Variants in RBFOX1 observed in about 807,000 individuals in gnomAD.
RBFOX1 encodes RNA binding protein fox-1 homolog 1.
RBFOX1 carries 8 observed loss-of-function variants against 57.7 expected under a neutral mutation model. That is an observed-to-expected ratio of 0.14 (90% CI 0.08 to 0.25). The LOEUF (loss-of-function observed/expected upper bound fraction) is 0.25. Among genes scored for constraint, RBFOX1 ranks in the 10% least tolerant of loss-of-function variants. The probability of loss-of-function intolerance (pLI) is 1.00; values close to 1 mark genes in which losing one functional copy is unlikely to be tolerated. For missense variants in RBFOX1, 611 were observed against 548.5 expected, an observed-to-expected ratio of 1.11 and a Z score of -1.14; for synonymous variants, 326 against 222.4, an observed-to-expected ratio of 1.47 and a Z score of -4.15.
chr16:5,333,586 C>T (rs182986012), intron 1 of RBFOX1, among the ~76,000 whole-genome samples: 87 of 152,326 alleles, frequency 5.7e-4, no homozygotes, highest in Non-Finnish European at 1.0e-3. Flanking sequence ...GAGCTTCTCT[C>T]CTGGAGGCAA....
chr16:7,043,037 T>G (rs192315224), intron 3 of RBFOX1, among the ~76,000 whole-genome samples: 3,375 of 147,462 alleles, frequency 0.023, 117 homozygotes, highest in African/African-American at 0.081. Flanking sequence ...GCTTCCATCC[T>G]CCACCCCCCA....
chr16:6,386,168 C>A (rs1272107763), intron 2 of RBFOX1, among the ~76,000 whole-genome samples: 2 of 152,108 alleles, frequency 1.3e-5, no homozygotes, highest in Admixed American at 1.3e-4. Flanking sequence ...ATGTCCTGGC[C>A]TCGTGATCCG....
intron 1 of RBFOX1, among the ~76,000 whole-genome samples, chr16:5,409,026 C>G (rs1242292111): frequency 6.6e-6 from 1 of 152,174 alleles, no homozygotes; most frequent in African/African-American, 2.4e-5. Context: ...CGGGTGAAAC[C>G]TGTGGCTATC....
chr16:6,879,432 C>T (rs1035504470), intron 3 of RBFOX1, among the ~76,000 whole-genome samples: 6 of 152,134 alleles, frequency 3.9e-5, no homozygotes, highest in African/African-American at 1.4e-4. Flanking sequence ...TTTCCCTTTA[C>T]TTTAAAAACT....
At chr16:6,928,908 C>A (rs1318372505) in intron 3 of RBFOX1, among the ~76,000 whole-genome samples, 2 of 152,130 alleles carry the variant, frequency 1.3e-5, no homozygotes, top group African/African-American at 4.8e-5. Context: ...AGTAGAGCAT[C>A]AGTTGTCAGA....
intron 1 of RBFOX1, among the ~76,000 whole-genome samples, chr16:6,294,262 C>A (rs770156503): frequency 1.3e-5 from 2 of 152,076 alleles, no homozygotes; most frequent in Non-Finnish European, 2.9e-5. Context: ...ATGGGTGGGG[C>A]CTGGGGAGAG....
chr16:6,676,044 A>T (rs181543610), intron 3 of RBFOX1, among the ~76,000 whole-genome samples: 3 of 152,132 alleles, frequency 2.0e-5, no homozygotes, highest in Admixed American at 2.0e-4. Flanking sequence ...AAAGGTTTAA[A>T]GGAAAACTGA....
At chr16:6,568,412 G>A (rs1032113875) in intron 2 of RBFOX1, among the ~76,000 whole-genome samples, 7 of 152,188 alleles carry the variant, frequency 4.6e-5, no homozygotes, top group Non-Finnish European at 8.8e-5. Flanking sequence ...CTACCAAATT[G>A]AGTTATGAGA....
At chr16:6,171,372 A>C (rs17139502) in intron 1 of RBFOX1, among the ~76,000 whole-genome samples, 9,496 of 152,212 alleles carry the variant, frequency 0.062, 703 homozygotes, top group African/African-American at 0.18. Context: ...AATTCTTTCC[A>C]CTTTCAATGC....
chr16:7,058,895 G>T (rs1014883481), intron 4 of RBFOX1, among the ~76,000 whole-genome samples: 1 of 152,080 alleles, frequency 6.6e-6, no homozygotes, highest in Non-Finnish European at 1.5e-5. Context: ...CATATTGCCC[G>T]CAGTTATGAC....
chr16:7,690,694 G>C (rs774606855), intron 14 of RBFOX1, among the ~76,000 whole-genome samples: 4 of 152,144 alleles, frequency 2.6e-5, no homozygotes, highest in African/African-American at 9.6e-5. Flanking sequence ...AAGTTGTTTG[G>C]ATATAGCGGA....
At chr16:6,425,024 G>C (rs1006836968) in intron 2 of RBFOX1, among the ~76,000 whole-genome samples, 2 of 152,164 alleles carry the variant, frequency 1.3e-5, no homozygotes, top group Non-Finnish European at 2.9e-5. Context: ...AGATGTGGAT[G>C]AACTAAATAT....
At chr16:5,969,091 T>C (rs2059908326) in intron 4 of RBFOX1, among the ~76,000 whole-genome samples, 1 of 152,090 alleles carries the variant, frequency 6.6e-6, no homozygotes, top group African/African-American at 2.4e-5. Context: ...TATGCCTTTC[T>C]AATTCTGATT....
At chr16:7,143,274 T>C (rs1600827167) in intron 4 of RBFOX1, among the ~76,000 whole-genome samples, 1 of 151,982 alleles carries the variant, frequency 6.6e-6, no homozygotes, top group African/African-American at 2.4e-5. Flanking sequence ...AGAGGAGAAA[T>C]GACAATGCGT....
chr16:7,550,170 A>G (rs375295576), intron 5 of RBFOX1, among the ~76,000 whole-genome samples: 2 of 151,864 alleles, frequency 1.3e-5, no homozygotes, highest in African/African-American at 2.4e-5. Flanking sequence ...GCCTCAGGCA[A>G]TTCTCCCTCC....
chr16:7,229,528 G>A (rs1426003289), intron 4 of RBFOX1, among the ~76,000 whole-genome samples: 1 of 150,060 alleles, frequency 6.7e-6, no homozygotes, highest in Non-Finnish European at 1.5e-5. Context: ...AAGGAGAGGA[G>A]AGGGAGGAAG....
At chr16:7,680,687 T>A (rs933705374) in intron 14 of RBFOX1, among the ~76,000 whole-genome samples, 1 of 152,146 alleles carries the variant, frequency 6.6e-6, no homozygotes, top group Admixed American at 6.6e-5. Context: ...GCAACCAACA[T>A]AATTTTGTTT....
At chr16:6,503,904 C>G (rs898641618) in intron 2 of RBFOX1, among the ~76,000 whole-genome samples, 5 of 152,186 alleles carry the variant, frequency 3.3e-5, no homozygotes, top group Admixed American at 6.5e-5. Flanking sequence ...GAATAATGCT[C>G]TACGAGGAGG....
At chr16:7,328,372 C>T (rs147082061) in intron 4 of RBFOX1, among the ~76,000 whole-genome samples, 14 of 149,786 alleles carry the variant, frequency 9.3e-5, no homozygotes, top group African/African-American at 2.2e-4. Flanking sequence ...CCCAGCTACT[C>T]GGCAGGCTGA....
Sources: gnomAD v4.1 joint callset for allele counts (sites outside exome capture counted in the v4.1 genomes callset) on GRCh38, gnomAD v4.1.1 for gene constraint, MANE v1.5 for transcripts, NCBI Gene and HGNC (gene_info 2026-07-23, HGNC 2026-07-21) for gene names.